The following ZNF292 variants were observed in gnomAD, a reference collection of about 807,000 sequenced individuals.
The protein encoded by ZNF292 is 16 zinc-finger domain protein.
In ZNF292, 26 loss-of-function variants were observed where a neutral mutation model predicts 217.9. The ratio of observed to expected loss-of-function variants is 0.12; its 90% CI spans 0.09 to 0.17. The LOEUF is 0.17. Ranked by LOEUF, ZNF292 falls within the 10% of genes least tolerant of loss-of-function variation. ZNF292 has a pLI of 1.00. For missense variants in ZNF292, 2,904 were observed against 3,175.2 expected (o/e 0.91, Z 2.05); for synonymous variants, 1,257 against 1,124.1 (o/e 1.12, Z -2.37).
Position 87,254,835 on chromosome 6 carries a change from G to C in ZNF292, c.1206G>C (p.Ala402=), listed in dbSNP as rs116277830. ...TTCTTATTGAGCCTACAGTAGATGC[G>C]TATTATGCTGTGGAAATGTTGTATA... The part of the protein sequence containing the change: ...SEFLIEPTVD[A]YYAVEMLYNQ... Residue 402 remains alanine (A), a synonymous_variant, in exon 8 of 8, where the codon GCG becomes GCC. Coordinates refer to ENST00000369577, the MANE Select transcript of ZNF292 (RefSeq NM_015021.3). 3 of 1,613,808 alleles carry C rather than the reference G, an allele frequency of 1.9e-6. No homozygotes were observed. The South Asian group carries it at 3.3e-5, about 18-fold the overall frequency.
At chr6:87,237,767 TAA>T (rs1486934505) in intron 5 of ZNF292, among the ~76,000 whole-genome samples, 4 of 152,220 alleles carry the variant, frequency 2.6e-5, no homozygotes, top group African/African-American at 9.6e-5. Context: ...TAATTGGTTT[TAA>T]ATATTTTATT....
intron 1 of ZNF292, chr6:87,215,092 A>C (rs1733410141): frequency 6.6e-6 from 1 of 151,596 alleles, no homozygotes; most frequent in South Asian, 2.1e-4. Flanking sequence ...GTGTTATAAA[A>C]ACATTTAATT....
At chr6:87,237,685 CT>C (rs1285633964) in intron 5 of ZNF292, among the ~76,000 whole-genome samples, 1 of 152,188 alleles carries the variant, frequency 6.6e-6, no homozygotes, top group African/African-American at 2.4e-5. Flanking sequence ...TTATTTACAT[CT>C]TTGAAATAAT....
chr6:87,164,275 C>A (rs1159444676), intron 1 of ZNF292, among the ~76,000 whole-genome samples: 1 of 152,162 alleles, frequency 6.6e-6, no homozygotes, highest in East Asian at 1.9e-4. Context: ...GCTCATTTTT[C>A]TGTTCTTAGC....
intron 4 of ZNF292, among the ~76,000 whole-genome samples, chr6:87,222,019 C>A (rs1202437385): frequency 6.6e-6 from 1 of 152,098 alleles, no homozygotes; most frequent in Non-Finnish European, 1.5e-5. Context: ...ATTATGTCTT[C>A]TCAATCTACG....
intron 1 of ZNF292, chr6:87,169,766 C>T (rs1031438314): frequency 4.8e-6 from 2 of 414,012 alleles, no homozygotes; most frequent in African/African-American, 4.2e-5. Flanking sequence ...CCCACCTCAG[C>T]CTCTTGGATA....
In ZNF292 at chr6:87,258,767, A is replaced by G; in HGVS notation, c.5138A>G (p.His1713Arg). 1 of 1,613,612 alleles carries G rather than the reference A, an allele frequency of 6.2e-7. No homozygotes were observed. The highest frequency in any genetic ancestry group is 8.5e-7 in the Non-Finnish European group (1 of 1,179,732). Reference protein sequence around the residue: ...KENFKTSLESHTVLAPLTLKT... With the variant: ...KENFKTSLESRTVLAPLTLKT... ...AATTTCAAAACCAGTCTTGAGTCCC[A>G]TACAGTGTTAGCCCCTTTAACATTA... The change falls in exon 8 of 8, where the codon CAT (histidine) becomes CGT (arginine). Residue 1713 changes from histidine (H) to arginine (R), a missense_variant. Transcript: ENST00000369577.
chr6:87,169,634 G>T, intron 1 of ZNF292: 1 of 403,912 alleles, frequency 2.5e-6, no homozygotes, highest in South Asian at 1.7e-5. Context: ...TGAGCCATTA[G>T]CATTTAGTTG....
chr6:87,166,150 G>A (rs6921619), intron 1 of ZNF292, among the ~76,000 whole-genome samples: 95,881 of 152,034 alleles, frequency 0.63, 31,820 homozygotes, highest in African/African-American at 0.85. Context: ...GAAAAAATCT[G>A]CATTTAAGCA....
chr6:87,245,171 G>A (rs1270317826), intron 6 of ZNF292, among the ~76,000 whole-genome samples: 1 of 151,980 alleles, frequency 6.6e-6, no homozygotes, highest in Non-Finnish European at 1.5e-5. Flanking sequence ...AACCCGGGAG[G>A]CAAGGTTGCA....
chr6:87,264,633 G>T lies in ZNF292; in HGVS notation c.*2832G>T, dbSNP rs1441414516. Among the ~76,000 whole-genome samples, 2 of 152,190 alleles carry T rather than the reference G, an allele frequency of 1.3e-5. No homozygotes were observed. The highest frequency in any genetic ancestry group is 2.9e-5 in the Non-Finnish European group (2 of 68,034). ...GGTTCAGGGGGACAAGGGAATTCCAGACTTGGGGGTAGAGCGTAATTGCGG... is the reference window on the plus strand; with the variant it reads ...GGTTCAGGGGGACAAGGGAATTCCATACTTGGGGGTAGAGCGTAATTGCGG... On this transcript the variant is annotated 3_prime_UTR_variant, in exon 8 of 8. Transcript: ENST00000369577.
chr6:87,177,542 C>G (rs1322910090), intron 1 of ZNF292, among the ~76,000 whole-genome samples: 2 of 152,156 alleles, frequency 1.3e-5, no homozygotes, highest in Admixed American at 1.3e-4. Context: ...TTTCTGTCCT[C>G]CATTCACTTC....
At position 87,256,674 on chromosome 6, in the gene ZNF292, C is replaced by T. The variant is rs1459296322; in HGVS notation, c.3045C>T (p.Asp1015=). ...ATTCAGAAACTCTCAAAATAGGTGA[C>T]CTTACCCCACAAAACTTAGAAAGAC... ...LVNSETLKIG[D]LTPQNLERQV... is the part of the protein sequence containing the mutation. Residue 1015 remains aspartate, a synonymous_variant, in exon 8 of 8, where the codon GAC becomes GAT. Transcript: ENST00000369577. 7 of 1,613,284 alleles carry T rather than the reference C, an allele frequency of 4.3e-6. No homozygotes were observed. Among genetic ancestry groups the T allele is most frequent in the Admixed American group, 1.7e-5 (1 of 59,942 alleles).
At chr6:87,177,718 T>A (rs1771347373) in intron 1 of ZNF292, among the ~76,000 whole-genome samples, 1 of 152,208 alleles carries the variant, frequency 6.6e-6, no homozygotes, top group Admixed American at 6.5e-5. Context: ...CATCTACTAG[T>A]TATGGGCTCA....
chr6:87,204,063 G>A (rs1317144397), intron 1 of ZNF292, among the ~76,000 whole-genome samples: 2 of 152,142 alleles, frequency 1.3e-5, no homozygotes, highest in Non-Finnish European at 2.9e-5. Context: ...CTAAAAATGC[G>A]TAGCCTAAAT....
chr6:87,157,676 T>TA (rs1253934924), intron 1 of ZNF292, among the ~76,000 whole-genome samples: 1 of 152,150 alleles, frequency 6.6e-6, no homozygotes, highest in Non-Finnish European at 1.5e-5. Context: ...AGTTATCACT[T>TA]AAAGATTTTT....
chr6:87,258,459 T>G lies in ZNF292; in HGVS notation c.4830T>G (p.Ser1610Arg), dbSNP rs878988204. The G allele has an allele frequency of 1.2e-6, 2 of 1,613,694 alleles. No individual in the cohort carries two copies. The highest frequency in any genetic ancestry group is 1.7e-6 in the Non-Finnish European group (2 of 1,179,778). ...TSNSSRVSVI[S>R]GPQNTRSSHL... ...ACAGTTCTCGTGTTTCTGTTATAAG[T>G]GGTCCTCAGAACACAAGATCCAGTC... The change falls in exon 8 of 8, where the codon AGT becomes AGG. Residue 1610 changes from serine (S) to arginine (R), a missense_variant. Physicochemically the swap from Ser to Arg is moderately radical, Grantham distance 110. This residue lies in a region of ZNF292 where 622 missense variants were observed against 573.1 expected (regional missense o/e 1.09). Transcript: ENST00000369577.
intron 1 of ZNF292, among the ~76,000 whole-genome samples, chr6:87,179,857 A>ATTTTTTTCAT (rs1357571137): frequency 1.3e-5 from 2 of 152,224 alleles, no homozygotes; most frequent in Admixed American, 1.3e-4. Context: ...TTACAGCAAC[A>ATTTTTTTCAT]GCCCAGTCAG....
chr6:87,216,419 T>C (rs1354347136), intron 3 of ZNF292, 42 bp downstream of exon 3: 28 of 1,417,778 alleles, frequency 2.0e-5, no homozygotes, highest in Admixed American at 4.4e-5. Context: ...GTATATCTTA[T>C]GTCAGTTTTC....
Sources: allele counts gnomAD v4.1 joint callset (sites outside exome capture counted in the v4.1 genomes callset), GRCh38; gene constraint gnomAD v4.1.1; regional missense constraint gnomAD v4.1.1; transcripts MANE v1.5; gene names NCBI Gene and HGNC (gene_info 2026-07-23, HGNC 2026-07-21).